The following UBE2H variants were observed in gnomAD, a reference collection of about 807,000 sequenced individuals.
UBE2H encodes ubiquitin-conjugating enzyme E2 H.
UBE2H carries 3 observed loss-of-function variants against 29.0 expected under a neutral mutation model. The ratio of observed to expected loss-of-function variants is 0.10; its 90% confidence interval spans 0.05 to 0.27. UBE2H has a LOEUF of 0.27. Ranked by LOEUF, UBE2H falls within the 10% of genes least tolerant of loss-of-function variation. The pLI, the probability that UBE2H is intolerant of heterozygous loss-of-function variation, is 1.00. For missense variants in UBE2H, 68 were observed against 228.2 expected (o/e 0.30, Z 4.52); for synonymous variants, 69 against 82.9 (o/e 0.83, Z 0.91).
At chr7:129,843,253 C>T (rs959825171) in intron 5 of UBE2H, among the ~76,000 whole-genome samples, 1 of 152,064 alleles carries the variant, frequency 6.6e-6, no homozygotes, top group Non-Finnish European at 1.5e-5. Context: ...CCCGCCTCGG[C>T]CTCCCAAAGT....
chr7:129,951,116 C>T (rs1300034023), intron 1 of UBE2H, among the ~76,000 whole-genome samples: 1 of 152,174 alleles, frequency 6.6e-6, no homozygotes. Flanking sequence ...CAGACAACTT[C>T]CCTCCCATCC....
intron 1 of UBE2H, among the ~76,000 whole-genome samples, chr7:129,925,380 C>T (rs1807245864): frequency 6.6e-6 from 1 of 151,698 alleles, no homozygotes; most frequent in African/African-American, 2.4e-5. Context: ...CAAAAATTCA[C>T]GGTGTTCTCC....
chr7:129,925,241 G>C (rs1398984168), intron 1 of UBE2H, among the ~76,000 whole-genome samples: 3 of 151,964 alleles, frequency 2.0e-5, no homozygotes, highest in Non-Finnish European at 4.4e-5. Context: ...CCAGCTACTC[G>C]GGAGGCTGAC....
intron 6 of UBE2H, among the ~76,000 whole-genome samples, chr7:129,837,224 G>A (rs1305016197): frequency 6.6e-6 from 1 of 152,202 alleles, no homozygotes; most frequent in Non-Finnish European, 1.5e-5. Context: ...CATCTCCCTG[G>A]AGGGGACTGA....
intron 1 of UBE2H, among the ~76,000 whole-genome samples, chr7:129,903,383 T>A (rs1056343644): frequency 1.3e-5 from 2 of 152,244 alleles, no homozygotes; most frequent in Admixed American, 1.3e-4. Context: ...TATAGCTTTA[T>A]TCCAGGCTCC....
At chr7:129,899,531 C>G (rs1402452332) in intron 1 of UBE2H, among the ~76,000 whole-genome samples, 3 of 152,196 alleles carry the variant, frequency 2.0e-5, no homozygotes, top group Non-Finnish European at 4.4e-5. Flanking sequence ...GAAAAGCATG[C>G]TTTTCACAGG....
At chr7:129,921,840 GCTTT>G (rs1807170199) in intron 1 of UBE2H, among the ~76,000 whole-genome samples, 1 of 151,944 alleles carries the variant, frequency 6.6e-6, no homozygotes, top group South Asian at 2.1e-4. Flanking sequence ...AAAAATACAG[GCTTT>G]CTTTCTTTGA....
At chr7:129,922,183 C>T (rs186531445) in intron 1 of UBE2H, among the ~76,000 whole-genome samples, 9,470 of 151,676 alleles carry the variant, frequency 0.062, 365 homozygotes, top group Non-Finnish European at 0.091. Flanking sequence ...AGATGGGTTT[C>T]TGCCATGTTG....
chr7:129,857,456 A>G, intron 5 of UBE2H, 55 bp downstream of exon 5: 1 of 1,563,748 alleles, frequency 6.4e-7, no homozygotes, highest in Non-Finnish European at 8.7e-7. Flanking sequence ...GCCAAACAAC[A>G]TTTTTTTAGG....
intron 3 of UBE2H, among the ~76,000 whole-genome samples, chr7:129,860,824 C>T (rs1805786237): frequency 6.6e-6 from 1 of 152,024 alleles, no homozygotes; most frequent in East Asian, 1.9e-4. Flanking sequence ...GAAAACTGTA[C>T]TGAACCAACA....
intron 1 of UBE2H, among the ~76,000 whole-genome samples, chr7:129,928,474 A>G (rs1013025391): frequency 1.3e-5 from 2 of 152,124 alleles, no homozygotes; most frequent in African/African-American, 4.8e-5. Context: ...GTGGTGGCAC[A>G]CACCTGTAAT....
At position 129,952,649 on chromosome 7, in the gene UBE2H, T is replaced by A; in HGVS notation, c.-94A>T. On this transcript the variant is annotated 5_prime_UTR_variant, in exon 1 of 7. Transcript: ENST00000355621. ...GCCCGCGGCCGCGCCGGCTCCTCGG[T>A]GGAGGTGGCAACACCCCCGCGGTCC... 6.8e-7 allele frequency: 1 copy of A among 1,481,048 alleles called. No homozygotes were observed. The highest frequency in any genetic ancestry group is 9.1e-7 in the Non-Finnish European group (1 of 1,101,404). The allele number at this position is 1,481,048 out of a possible 1,614,324, so 91.7% of individuals were successfully genotyped here.
At chr7:129,854,069 T>G (rs925174076) in intron 5 of UBE2H, among the ~76,000 whole-genome samples, 1 of 149,516 alleles carries the variant, frequency 6.7e-6, no homozygotes, top group Non-Finnish European at 1.5e-5. Context: ...AGTTTTTTTT[T>G]TTTTTTTTTT....
At chr7:129,912,737 G>A (rs1180413708) in intron 1 of UBE2H, among the ~76,000 whole-genome samples, 6 of 152,124 alleles carry the variant, frequency 3.9e-5, no homozygotes, top group Non-Finnish European at 8.8e-5. Flanking sequence ...TATAAAGCCC[G>A]CTCACTCATA....
intron 3 of UBE2H, among the ~76,000 whole-genome samples, chr7:129,873,020 GT>G (rs10677960): frequency 3.0e-3 from 416 of 139,658 alleles, no homozygotes; most frequent in Middle Eastern, 7.8e-3. Context: ...ATAGCTCAGA[GT>G]TTTTTTTTTT....
At chr7:129,945,928 T>C (rs188663028) in intron 1 of UBE2H, among the ~76,000 whole-genome samples, 163 of 151,914 alleles carry the variant, frequency 1.1e-3, no homozygotes, top group African/African-American at 3.5e-3. Context: ...TATTTTTTAG[T>C]AGAGATGGGG....
intron 3 of UBE2H, among the ~76,000 whole-genome samples, chr7:129,871,176 AC>A (rs1806022145): frequency 1.3e-5 from 2 of 152,210 alleles, no homozygotes; most frequent in Admixed American, 1.3e-4. Context: ...TATCTACAGC[AC>A]CCAGAATAAC....
intron 5 of UBE2H, among the ~76,000 whole-genome samples, chr7:129,851,423 G>A (rs188548493): frequency 7.9e-4 from 121 of 152,250 alleles, no homozygotes; most frequent in African/African-American, 2.7e-3. Context: ...ACTAAAACTC[G>A]CTATTCAAGC....
At chr7:129,934,310 C>T (rs947918514) in intron 1 of UBE2H, among the ~76,000 whole-genome samples, 2 of 142,598 alleles carry the variant, frequency 1.4e-5, no homozygotes, top group African/African-American at 2.6e-5. Context: ...CAACACAGAC[C>T]GACCTTGCTT....
Sources: allele counts gnomAD v4.1 joint callset (sites outside exome capture counted in the v4.1 genomes callset), GRCh38; gene constraint gnomAD v4.1.1; transcripts MANE v1.5; gene names NCBI Gene and HGNC (gene_info 2026-07-23, HGNC 2026-07-21).